Variants in CNTNAP2 observed in about 807,000 individuals in gnomAD.
CNTNAP2 encodes contactin-associated protein-like 2.
In CNTNAP2, 98 loss-of-function variants were observed where a neutral mutation model predicts 155.2. The ratio of observed to expected loss-of-function variants is 0.63; its 90% CI spans 0.54 to 0.75. The LOEUF is 0.75. Among genes scored for constraint, CNTNAP2 ranks in the 30% least tolerant of loss-of-function variants. The probability of loss-of-function intolerance (pLI) is 0.00; values close to 1 mark genes in which losing one functional copy is unlikely to be tolerated. For synonymous variants in CNTNAP2, 651 were observed against 631.2 expected (o/e 1.03, Z -0.47); for missense variants, 1,727 against 1,688.1 (o/e 1.02, Z -0.40).
At chr7:147,605,696 G>A (rs1273377206) in intron 12 of CNTNAP2, among the ~76,000 whole-genome samples, 1 of 152,048 alleles carries the variant, frequency 6.6e-6, no homozygotes, top group African/African-American at 2.4e-5. Flanking sequence ...TCATTAGAAA[G>A]GGAAAGTTCA....
intron 1 of CNTNAP2, among the ~76,000 whole-genome samples, chr7:146,770,315 TATACACAC>T (rs1436584866): frequency 4.2e-4 from 50 of 119,636 alleles, no homozygotes; most frequent in African/African-American, 1.8e-3. Flanking sequence ...TATGTGTGTG[TATACACAC>T]ACACACACAC....
At chr7:146,667,373 G>A (rs1023742616) in intron 1 of CNTNAP2, among the ~76,000 whole-genome samples, 5 of 151,990 alleles carry the variant, frequency 3.3e-5, no homozygotes, top group Non-Finnish European at 4.4e-5. Flanking sequence ...TGCTGTTTTG[G>A]TTACTATGGC....
chr7:146,407,321 A>G (rs1795806449), intron 1 of CNTNAP2, among the ~76,000 whole-genome samples: 3 of 152,194 alleles, frequency 2.0e-5, no homozygotes, highest in Non-Finnish European at 4.4e-5. Context: ...AGATAAGTAT[A>G]GTGAGAATCA....
intron 2 of CNTNAP2, among the ~76,000 whole-genome samples, chr7:146,798,426 C>T (rs757103878): frequency 6.6e-6 from 1 of 152,146 alleles, no homozygotes; most frequent in Non-Finnish European, 1.5e-5. Flanking sequence ...ACTATAGCCT[C>T]TGCCTTCTTG....
In CNTNAP2 at chr7:147,860,303, T is replaced by C. The variant is rs560525940; in HGVS notation, c.2099-43262T>C. Among the ~76,000 whole-genome samples, 5 of 152,088 alleles carry C rather than the reference T, an allele frequency of 3.3e-5. No homozygotes were observed. In the East Asian group the frequency reaches 9.7e-4, roughly 29 times the overall value. On this transcript the variant is annotated intron_variant, in intron 13 of 23. Transcript: ENST00000361727. The stretch of plus-strand genomic sequence containing the variant: ...AGCTGGGCACGGTGGTCTGCGCCTG[T>C]AATCCCAGTGTTCAGGAGGCTGAGG...
At chr7:146,446,654 G>T (rs1169300871) in intron 1 of CNTNAP2, among the ~76,000 whole-genome samples, 1 of 152,050 alleles carries the variant, frequency 6.6e-6, no homozygotes, top group Non-Finnish European at 1.5e-5. Flanking sequence ...TAGCTCCCAG[G>T]TGGATTCTGT....
At chr7:147,084,601 C>T (rs964998249) in intron 4 of CNTNAP2, among the ~76,000 whole-genome samples, 1 of 145,296 alleles carries the variant, frequency 6.9e-6, no homozygotes, top group Admixed American at 7.0e-5. Flanking sequence ...ATATATAATG[C>T]TATATAAGCA....
At chr7:146,311,787 C>G (rs1039143198) in intron 1 of CNTNAP2, 66 of 151,220 alleles carry the variant, frequency 4.4e-4, no homozygotes, top group African/African-American at 1.5e-3. Flanking sequence ...TTATTTGTCC[C>G]ATCTCTACAC....
chr7:147,003,723 C>T (rs1798470961), intron 3 of CNTNAP2, among the ~76,000 whole-genome samples: 2 of 151,812 alleles, frequency 1.3e-5, no homozygotes, highest in African/African-American at 2.4e-5. Flanking sequence ...TGTTAGGAAC[C>T]GTTTAATGCC....
chr7:147,879,816 G>A (rs117455539), intron 13 of CNTNAP2, among the ~76,000 whole-genome samples: 5,053 of 152,284 alleles, frequency 0.033, 135 homozygotes, highest in Non-Finnish European at 0.053. Flanking sequence ...TGGTGGCCAT[G>A]AAATAGGAGA....
At chr7:147,767,590 C>T (rs1055822603) in intron 13 of CNTNAP2, among the ~76,000 whole-genome samples, 1 of 151,872 alleles carries the variant, frequency 6.6e-6, no homozygotes, top group Non-Finnish European at 1.5e-5. Flanking sequence ...GTTTATAGGG[C>T]TGTGTTCTAT....
chr7:146,575,137 A>AG (rs2129146776), intron 1 of CNTNAP2, among the ~76,000 whole-genome samples: 1 of 152,196 alleles, frequency 6.6e-6, no homozygotes, highest in South Asian at 2.1e-4. Flanking sequence ...GGTATGTCAG[A>AG]AGAACTTTTT....
intron 3 of CNTNAP2, among the ~76,000 whole-genome samples, chr7:146,969,753 T>C (rs937520757): frequency 6.6e-6 from 1 of 152,028 alleles, no homozygotes; most frequent in Non-Finnish European, 1.5e-5. Flanking sequence ...CATCGCCAAG[T>C]CAATCCTAAG....
At chr7:148,222,015 T>G (rs748910667) in intron 19 of CNTNAP2, among the ~76,000 whole-genome samples, 3 of 152,352 alleles carry the variant, frequency 2.0e-5, no homozygotes, top group Non-Finnish European at 4.4e-5. Flanking sequence ...ACCTGCCCAG[T>G]GACTCCAGCT....
intron 1 of CNTNAP2, among the ~76,000 whole-genome samples, chr7:146,135,857 A>T (rs970579533): frequency 7.9e-5 from 12 of 152,116 alleles, no homozygotes; most frequent in African/African-American, 2.7e-4. Context: ...AAGGAAGAAA[A>T]AAATGCTTGT....
chr7:147,802,368 C>T (rs1258911324), intron 13 of CNTNAP2, among the ~76,000 whole-genome samples: 30 of 151,662 alleles, frequency 2.0e-4, no homozygotes, highest in African/African-American at 7.0e-4. Context: ...ACCTCCCAGA[C>T]GGGGTGGCGG....
At chr7:148,232,245 G>T (rs538358908) in intron 20 of CNTNAP2, among the ~76,000 whole-genome samples, 3 of 152,288 alleles carry the variant, frequency 2.0e-5, no homozygotes, top group South Asian at 2.1e-4. Flanking sequence ...CAGATCCCAG[G>T]GCTTCTCACT....
intron 1 of CNTNAP2, among the ~76,000 whole-genome samples, chr7:146,299,679 G>A (rs1800573703): frequency 6.6e-6 from 1 of 152,104 alleles, no homozygotes; most frequent in South Asian, 2.1e-4. Flanking sequence ...GGGATAACAA[G>A]CATGAGCCAC....
chr7:147,670,271 G>A (rs539434912), intron 13 of CNTNAP2, among the ~76,000 whole-genome samples: 17 of 152,230 alleles, frequency 1.1e-4, no homozygotes, highest in African/African-American at 3.9e-4. Context: ...CAGGGATAAA[G>A]GGAAGACCTG....
Sources: gnomAD v4.1 joint callset for allele counts (sites outside exome capture counted in the v4.1 genomes callset) on GRCh38, gnomAD v4.1.1 for gene constraint, MANE v1.5 for transcripts, NCBI Gene and HGNC (gene_info 2026-07-23, HGNC 2026-07-21) for gene names.